CTNNA3: variants seen among roughly 807,000 people sequenced by gnomAD.
CTNNA3 encodes the protein catenin alpha 3.
A neutral mutation model predicts 95.7 loss-of-function variants in CTNNA3; 76 were observed. The ratio of observed to expected loss-of-function variants is 0.79; its 90% CI spans 0.66 to 0.96. The LOEUF (loss-of-function observed/expected upper bound fraction) is 0.96. Among genes scored for constraint, CTNNA3 ranks in the 40% least tolerant of loss-of-function variants. The probability of loss-of-function intolerance (pLI) is 0.00; values close to 1 mark genes in which losing one functional copy is unlikely to be tolerated. For missense variants in CTNNA3, 1,191 were observed against 1,089.8 expected, an observed-to-expected ratio of 1.09 and a Z score of -1.31; for synonymous variants, 431 against 374.4, an observed-to-expected ratio of 1.15 and a Z score of -1.74.
intron 1 of CTNNA3, among the ~76,000 whole-genome samples, chr10:67,730,147 A>G (rs1046320349): frequency 6.6e-6 from 1 of 152,114 alleles, no homozygotes; most frequent in African/African-American, 2.4e-5. Context: ...AACTTCATAC[A>G]TGTTCTTTTA....
chr10:66,147,619 T>G (rs971738641), intron 13 of CTNNA3, among the ~76,000 whole-genome samples: 8 of 149,596 alleles, frequency 5.3e-5, no homozygotes, highest in East Asian at 2.0e-4. Flanking sequence ...TTTTTTTTTT[T>G]TTTTTTTTTT....
chr10:66,719,882 T>C (rs1183227381), intron 9 of CTNNA3, among the ~76,000 whole-genome samples: 1 of 152,112 alleles, frequency 6.6e-6, no homozygotes, highest in African/African-American at 2.4e-5. Context: ...GATGCCTGCA[T>C]TTCAACTCAC....
chr10:67,207,577 C>T (rs1863958573), intron 6 of CTNNA3, among the ~76,000 whole-genome samples: 1 of 152,154 alleles, frequency 6.6e-6, no homozygotes, highest in Non-Finnish European at 1.5e-5. Flanking sequence ...CTAGGCAAGT[C>T]TACCACAAGA....
intron 12 of CTNNA3, among the ~76,000 whole-genome samples, chr10:66,360,370 A>G (rs1235234569): frequency 6.6e-6 from 1 of 152,250 alleles, no homozygotes; most frequent in South Asian, 2.1e-4. Flanking sequence ...AGGAAAGGCA[A>G]TGGCTTAAAG....
At chr10:66,336,223 A>G (rs2092394172) in intron 12 of CTNNA3, among the ~76,000 whole-genome samples, 1 of 151,972 alleles carries the variant, frequency 6.6e-6, no homozygotes, top group Non-Finnish European at 1.5e-5. Context: ...TGCTCGGTGC[A>G]CAGCACCCAC....
At chr10:67,257,022 C>T (rs1247539036) in intron 5 of CTNNA3, among the ~76,000 whole-genome samples, 2 of 152,178 alleles carry the variant, frequency 1.3e-5, no homozygotes, top group East Asian at 3.8e-4. Flanking sequence ...GAAACACTTG[C>T]TTACTCATAA....
At chr10:67,412,697 T>A in intron 5 of CTNNA3, among the ~76,000 whole-genome samples, 1 of 152,132 alleles carries the variant, frequency 6.6e-6, no homozygotes, top group Non-Finnish European at 1.5e-5. Context: ...ATTAGGGGCC[T>A]ATTTTCAGTG....
chr10:67,269,689 C>CTGTCTACT (rs1442922808), intron 5 of CTNNA3, among the ~76,000 whole-genome samples: 1 of 152,128 alleles, frequency 6.6e-6, no homozygotes, highest in African/African-American at 2.4e-5. Flanking sequence ...AAATGGTGAA[C>CTGTCTACT]ATATCAGATT....
In CTNNA3 at chr10:66,024,279, C is replaced by T. The variant is rs61300063; in HGVS notation, c.2160-35482G>A. 3.1e-3 allele frequency among the ~76,000 whole-genome samples: 478 copies of T among 151,762 alleles called. 4 individuals carry two copies. The highest frequency in any genetic ancestry group is 0.011 in the African/African-American group (455 of 41,390). On this transcript the variant is annotated intron_variant, in intron 15 of 17. Coordinates refer to ENST00000433211, the MANE Select transcript of CTNNA3 (RefSeq NM_013266.4). Reference sequence around the variant, plus strand: ...TAACTTTTTGTATTTTTAGTAGAGACGGGGTTTCACCGTGTTAGTCAGGAT... The same window carrying T: ...TAACTTTTTGTATTTTTAGTAGAGATGGGGTTTCACCGTGTTAGTCAGGAT...
Position 66,360,654 on chromosome 10 carries a change from TCTTTCTTCCTTCCTTC to T in CTNNA3, c.1732+18482_1732+18497del, listed in dbSNP as rs1169844847. On this transcript the variant is annotated intron_variant, in intron 12 of 17. Coordinates refer to ENST00000433211, the MANE Select transcript of CTNNA3 (RefSeq NM_013266.4). Reference sequence around the variant, plus strand: ...TTCTTTCTTTCTTTCTTTCTTTCTTTCTTTCTTCCTTCCTTCCTTCCTTCCTTCCTTCCTTCCTTTT... The same window carrying T: ...TTCTTTCTTTCTTTCTTTCTTTCTTTCTTCCTTCCTTCCTTCCTTCCTTTT... 7.8e-3 allele frequency among the ~76,000 whole-genome samples: 466 copies of T among 59,454 alleles called. 2 individuals are homozygous for T. Among genetic ancestry groups the T allele is most frequent in the African/African-American group, 0.015 (228 of 15,166 alleles). The allele number at this position is 59,454 out of a possible 152,430, so 39.0% of individuals were successfully genotyped here.
chr10:67,647,791 G>C (rs1839763722), intron 1 of CTNNA3, among the ~76,000 whole-genome samples: 1 of 152,130 alleles, frequency 6.6e-6, no homozygotes, highest in Non-Finnish European at 1.5e-5. Context: ...ATCCGGGGTG[G>C]GTTTGTATTT....
At chr10:66,792,174 T>C (rs1247078959) in intron 7 of CTNNA3, among the ~76,000 whole-genome samples, 2 of 152,320 alleles carry the variant, frequency 1.3e-5, no homozygotes, top group Non-Finnish European at 2.9e-5. Context: ...AGAATCATTT[T>C]TTTTCTGAAA....
intron 5 of CTNNA3, among the ~76,000 whole-genome samples, chr10:67,466,698 G>T (rs1455117177): frequency 6.6e-6 from 1 of 152,296 alleles, no homozygotes; most frequent in African/African-American, 2.4e-5. Flanking sequence ...ATGTCAAGCG[G>T]TGTTTGAAAA....
At chr10:67,337,059 A>G (rs1309266471) in intron 5 of CTNNA3, among the ~76,000 whole-genome samples, 1 of 152,210 alleles carries the variant, frequency 6.6e-6, no homozygotes, top group Non-Finnish European at 1.5e-5. Flanking sequence ...TTCAAGCCTT[A>G]TTATTTAATA....
chr10:67,465,535 G>C (rs1450861257), intron 5 of CTNNA3, among the ~76,000 whole-genome samples: 1 of 152,118 alleles, frequency 6.6e-6, no homozygotes, highest in African/African-American at 2.4e-5. Context: ...ATAAATAATA[G>C]AGGTTTCAAG....
chr10:67,363,812 T>C (rs1245308525), intron 5 of CTNNA3, among the ~76,000 whole-genome samples: 1 of 152,188 alleles, frequency 6.6e-6, no homozygotes, highest in Non-Finnish European at 1.5e-5. Context: ...TAACAGGTTC[T>C]GAAATTGAGG....
intron 7 of CTNNA3, among the ~76,000 whole-genome samples, chr10:67,064,352 C>T (rs1554909598): frequency 6.6e-6 from 1 of 151,986 alleles, no homozygotes. Flanking sequence ...TGAAGCTCCA[C>T]AAAAAATATG....
chr10:66,845,691 A>T (rs1306281490), intron 7 of CTNNA3, among the ~76,000 whole-genome samples: 1 of 90,870 alleles, frequency 1.1e-5, no homozygotes, highest in Non-Finnish European at 2.4e-5. Flanking sequence ...TAACAACAGC[A>T]AAACTCTGTC....
At chr10:67,057,386 T>C (rs935516883) in intron 7 of CTNNA3, among the ~76,000 whole-genome samples, 4 of 152,122 alleles carry the variant, frequency 2.6e-5, no homozygotes, top group African/African-American at 9.7e-5. Flanking sequence ...TATTCATAAC[T>C]ACTAGTTTGT....
Sources: allele counts gnomAD v4.1 joint callset (sites outside exome capture counted in the v4.1 genomes callset), GRCh38; gene constraint gnomAD v4.1.1; transcripts MANE v1.5; gene names NCBI Gene and HGNC (gene_info 2026-07-23, HGNC 2026-07-21).